Variants in DAB1 observed in about 807,000 individuals in gnomAD.
DAB1 encodes the protein disabled homolog 1.
Under a neutral mutation model 64.6 loss-of-function variants are expected in DAB1, and 15 were observed. That is an observed-to-expected ratio of 0.23 (90% CI 0.16 to 0.36). The LOEUF is 0.36. Ranked by LOEUF, DAB1 falls within the 10% of genes least tolerant of loss-of-function variation. The pLI, the probability that DAB1 is intolerant of heterozygous loss-of-function variation, is 1.00. For missense variants in DAB1, 596 were observed against 706.7 expected (o/e 0.84, Z 1.78); for synonymous variants, 235 against 251.9 (o/e 0.93, Z 0.64).
chr1:57,218,106 A>C (rs1399154365), intron 2 of DAB1, among the ~76,000 whole-genome samples: 1 of 152,172 alleles, frequency 6.6e-6, no homozygotes, highest in Non-Finnish European at 1.5e-5. Flanking sequence ...TTCCTTGAAG[A>C]GCCGTCTGAG....
rs1278706483 is a variant in DAB1 at position 56,996,536 on chromosome 1, G to C, written c.*1608C>G. On this transcript the variant is annotated 3_prime_UTR_variant, in exon 15 of 15. Transcript: ENST00000371236. ...TTCTGTTTCACGTACAAACAGTCCA[G>C]TGATTTATATCGGGGGTAGGTGGGA... is the stretch of plus-strand genomic sequence containing the variant. 2 of 152,248 alleles carry C rather than the reference G, an allele frequency of 1.3e-5. No homozygotes were observed. Among genetic ancestry groups the C allele is most frequent in the African/African-American group, 4.8e-5 (2 of 41,442 alleles). 9.4% of individuals were successfully genotyped at this position (152,248 alleles called of 1,614,324 possible).
intron 6 of DAB1, among the ~76,000 whole-genome samples, chr1:57,717,266 TAAAAAA>T (rs1027531458): frequency 1.5e-5 from 2 of 132,710 alleles, no homozygotes; most frequent in Middle Eastern, 3.7e-3. Context: ...AAAATAAAAA[TAAAAAA>T]AAAAGAAAGA....
chr1:58,499,501 G>GATAGATAGATAGATAA (rs767445044), intron 3 of DAB1, among the ~76,000 whole-genome samples: 1 of 150,504 alleles, frequency 6.6e-6, no homozygotes, highest in African/African-American at 2.5e-5. Context: ...TAGATAGATA[G>GATAGATAGATAGATAA]ATAGATAAAT....
chr1:58,464,206 T>C (rs997114966), intron 3 of DAB1, among the ~76,000 whole-genome samples: 1 of 152,212 alleles, frequency 6.6e-6, no homozygotes, highest in Non-Finnish European at 1.5e-5. Flanking sequence ...AAAGGTATCA[T>C]ACCAGCTATA....
Position 57,853,592 on chromosome 1 carries a change from A to T in DAB1, n.88-27137T>A, listed in dbSNP as rs542113960. Reference sequence around the variant, plus strand: ...CATGTGTTTAAAATTAATAAAATGAACGAATAAATGAATTAATGAATAAGT... The same window carrying T: ...CATGTGTTTAAAATTAATAAAATGATCGAATAAATGAATTAATGAATAAGT... On this transcript the variant is annotated intron_variant and non_coding_transcript_variant, in intron 1 of 1. Coordinates refer to the DAB1 transcript ENST00000477280. Among the ~76,000 whole-genome samples the T allele has an allele frequency of 1.8e-4, 28 of 152,360 alleles. No individual in the cohort carries two copies. The East Asian group carries it at 5.2e-3, about 28-fold the overall frequency.
chr1:58,306,125 G>A (rs1192612012), intron 4 of DAB1, among the ~76,000 whole-genome samples: 1 of 152,192 alleles, frequency 6.6e-6, no homozygotes, highest in Non-Finnish European at 1.5e-5. Context: ...CAGAAAGAGA[G>A]AAGAACCTCA....
chr1:57,429,214 C>A (rs1288480387), intron 7 of DAB1, among the ~76,000 whole-genome samples: 1 of 152,144 alleles, frequency 6.6e-6, no homozygotes, highest in Non-Finnish European at 1.5e-5. Context: ...TTATGGTTTT[C>A]ATTGCATTTC....
chr1:58,084,368 AG>A (rs1650175923), intron 5 of DAB1: 2 of 152,894 alleles, frequency 1.3e-5, no homozygotes, highest in Admixed American at 6.6e-5. Context: ...TGTGGGTGTT[AG>A]GGGGCACCGT....
intron 4 of DAB1, among the ~76,000 whole-genome samples, chr1:58,173,417 T>A (rs951532146): frequency 4.6e-5 from 7 of 152,180 alleles, no homozygotes; most frequent in African/African-American, 1.4e-4. Flanking sequence ...CAGTCCAGGT[T>A]TTGTAATGGC....
At chr1:57,966,944 T>C (rs1295956543) in intron 5 of DAB1, among the ~76,000 whole-genome samples, 1 of 152,244 alleles carries the variant, frequency 6.6e-6, no homozygotes, top group Non-Finnish European at 1.5e-5. Flanking sequence ...ACCTGTAGTT[T>C]ACACTACTGG....
chr1:57,162,673 A>AT (rs1422661512), intron 2 of DAB1, among the ~76,000 whole-genome samples: 2 of 152,136 alleles, frequency 1.3e-5, no homozygotes, highest in South Asian at 4.1e-4. Context: ...TTTGCGGAGT[A>AT]TTTTTTGTAA....
intron 5 of DAB1, among the ~76,000 whole-genome samples, chr1:58,022,499 A>C (rs1646829010): frequency 6.6e-6 from 1 of 152,098 alleles, no homozygotes; most frequent in Non-Finnish European, 1.5e-5. Flanking sequence ...TCCCTTTTCC[A>C]CTGTGCACTT....
chr1:57,123,014 C>A (rs983277977), intron 4 of DAB1, among the ~76,000 whole-genome samples: 1 of 152,026 alleles, frequency 6.6e-6, no homozygotes, highest in Admixed American at 6.6e-5. Context: ...GCCCAAGATA[C>A]TACAGCTTTA....
chr1:58,348,512 G>A (rs1018835284), intron 3 of DAB1, among the ~76,000 whole-genome samples: 16 of 152,132 alleles, frequency 1.1e-4, no homozygotes, highest in Admixed American at 3.3e-4. Context: ...AAATTTGCTT[G>A]TAAAAAGTAG....
upstream of DAB1, among the ~76,000 whole-genome samples, chr1:57,426,874 A>ATTTTTTTT (rs34515405): frequency 2.9e-4 from 44 of 149,278 alleles, 1 homozygote; most frequent in African/African-American, 1.0e-3. Context: ...ATATATATAT[A>ATTTTTTTT]TTTTTTTGAG....
chr1:57,247,323 G>A (rs614488), intron 2 of DAB1, among the ~76,000 whole-genome samples: 75,479 of 151,902 alleles, frequency 0.5, 19,972 homozygotes, highest in Admixed American at 0.62. Context: ...TTGAAAGTGT[G>A]TGATATGTCC....
intron 6 of DAB1, among the ~76,000 whole-genome samples, chr1:57,738,767 G>C (rs981192768): frequency 6.6e-6 from 1 of 152,098 alleles, no homozygotes; most frequent in African/African-American, 2.4e-5. Flanking sequence ...TTCTGTTTTG[G>C]GTAATTTCTT....
intron 7 of DAB1, among the ~76,000 whole-genome samples, chr1:57,460,180 TG>T (rs1169537416): frequency 1.3e-5 from 2 of 152,210 alleles, no homozygotes; most frequent in Non-Finnish European, 2.9e-5. Flanking sequence ...CTCCAGAGGA[TG>T]TAGCTCATTC....
In DAB1 at chr1:58,531,771, G is replaced by A. The variant is rs61781817; in HGVS notation, n.33-4436C>T. Among the ~76,000 whole-genome samples, 655 of 151,850 alleles carry A rather than the reference G, an allele frequency of 4.3e-3. 4 individuals are homozygous for A. The highest frequency in any genetic ancestry group is 6.1e-3 in the Non-Finnish European group (413 of 67,960). Reference sequence around the variant, plus strand: ...GTTGCCCAAGCTGGAGTGCAGTGGCGAGGTCTCGACTCACTGCAACCTCCG... The same window carrying A: ...GTTGCCCAAGCTGGAGTGCAGTGGCAAGGTCTCGACTCACTGCAACCTCCG... On this transcript the variant is annotated intron_variant and non_coding_transcript_variant, in intron 1 of 20. Coordinates refer to the DAB1 transcript ENST00000485760.
Sources: gnomAD v4.1 joint callset for allele counts (sites outside exome capture counted in the v4.1 genomes callset) on GRCh38, gnomAD v4.1.1 for gene constraint, MANE v1.5 for transcripts, NCBI Gene and HGNC (gene_info 2026-07-23, HGNC 2026-07-21) for gene names.